Variants in DENND1A observed in about 807,000 individuals in gnomAD.
The protein encoded by DENND1A is DENN domain containing 1A.
Under a neutral mutation model 113.7 loss-of-function variants are expected in DENND1A, and 51 were observed. The ratio of observed to expected loss-of-function variants is 0.45; its 90% CI spans 0.36 to 0.57. The LOEUF is 0.57. Ranked by LOEUF, DENND1A falls within the 20% of genes least tolerant of loss-of-function variation. DENND1A has a pLI of 0.00. For synonymous variants in DENND1A, 565 were observed against 570.8 expected, an observed-to-expected ratio of 0.99 and a Z score of 0.14; for missense variants, 1,258 against 1,395.9, an observed-to-expected ratio of 0.90 and a Z score of 1.57.
At chr9:123,400,166 CCCCCA>C in intron 21 of DENND1A, 1 of 152,330 alleles carries the variant, frequency 6.6e-6, no homozygotes, top group East Asian at 1.9e-4. Context: ...GGGAATGTTT[CCCCCA>C]CAAATCTTCA....
At chr9:123,779,825 G>A (rs1164203927) in intron 3 of DENND1A, among the ~76,000 whole-genome samples, 3 of 145,326 alleles carry the variant, frequency 2.1e-5, no homozygotes, top group Middle Eastern at 3.7e-3. Context: ...CAGGGTGGCA[G>A]GGGCCAGATC....
intron 10 of DENND1A, among the ~76,000 whole-genome samples, chr9:123,612,511 T>C (rs1486460629): frequency 2.0e-5 from 3 of 152,228 alleles, no homozygotes; most frequent in African/African-American, 7.2e-5. Context: ...TTTATATCTT[T>C]GAAATTATAA....
At chr9:123,626,642 C>G (rs2138450341) in intron 10 of DENND1A, among the ~76,000 whole-genome samples, 1 of 152,212 alleles carries the variant, frequency 6.6e-6, no homozygotes, top group East Asian at 1.9e-4. Flanking sequence ...ACAACAAACA[C>G]TACTGGATAG....
At chr9:123,532,616 T>C (rs1444602939) in intron 13 of DENND1A, among the ~76,000 whole-genome samples, 1 of 152,200 alleles carries the variant, frequency 6.6e-6, no homozygotes, top group Non-Finnish European at 1.5e-5. Context: ...CTCTATGTCT[T>C]TTATCATAGC....
At chr9:123,636,376 G>A (rs1256951735) in intron 9 of DENND1A, among the ~76,000 whole-genome samples, 5 of 151,934 alleles carry the variant, frequency 3.3e-5, no homozygotes, top group Non-Finnish European at 5.9e-5. Flanking sequence ...GAGTGCAGTG[G>A]TGGGACCTCG....
chr9:123,619,764 A>G (rs1056089259), intron 10 of DENND1A, among the ~76,000 whole-genome samples: 2 of 152,168 alleles, frequency 1.3e-5, no homozygotes, highest in Non-Finnish European at 2.9e-5. Flanking sequence ...TATGTGGATT[A>G]AATTTCAACT....
intron 5 of DENND1A, among the ~76,000 whole-genome samples, chr9:123,750,648 G>A (rs897345643): frequency 6.6e-6 from 1 of 152,146 alleles, no homozygotes; most frequent in Non-Finnish European, 1.5e-5. Context: ...TTAAGGAGAA[G>A]AATTAAAAAG....
At chr9:123,670,169 T>C (rs1928482) in intron 7 of DENND1A, among the ~76,000 whole-genome samples, 74,678 of 152,070 alleles carry the variant, frequency 0.49, 20,798 homozygotes, top group African/African-American at 0.77. Flanking sequence ...TATCATCATT[T>C]TGAAAAAACC....
intron 2 of DENND1A, among the ~76,000 whole-genome samples, chr9:123,802,704 C>A (rs201531441): frequency 6.6e-6 from 1 of 151,214 alleles, no homozygotes; most frequent in Non-Finnish European, 1.5e-5. Flanking sequence ...TTCACTACTG[C>A]CTTTTTTTTT....
At chr9:123,678,855 G>C (rs970474540) in intron 5 of DENND1A, among the ~76,000 whole-genome samples, 14 of 152,234 alleles carry the variant, frequency 9.2e-5, no homozygotes, top group African/African-American at 3.4e-4. Context: ...TACTTTGGCA[G>C]AGTAATGTAA....
intron 9 of DENND1A, among the ~76,000 whole-genome samples, chr9:123,634,441 T>G (rs1161239034): frequency 6.6e-6 from 1 of 152,190 alleles, no homozygotes; most frequent in Non-Finnish European, 1.5e-5. Flanking sequence ...TTACTATATA[T>G]CTATACTCAA....
At chr9:123,525,400 A>T (rs1172594248) in intron 13 of DENND1A, among the ~76,000 whole-genome samples, 1 of 152,206 alleles carries the variant, frequency 6.6e-6, no homozygotes, top group Non-Finnish European at 1.5e-5. Context: ...TTTCGAGGGC[A>T]TCTCTGAAAA....
rs1452337930 is a variant in DENND1A, at chr9:123,888,949, CTTTAAACTGTGT to C, written c.18-9940_18-9929del. The stretch of plus-strand genomic sequence containing the variant: ...GATGATGCATCAGGTCAATACCGTG[CTTTAAACTGTGT>C]GTGTGTGTGTGTGTGTGTGTGTGTG... On this transcript the variant is annotated intron_variant, in intron 1 of 23. Transcript: ENST00000394215. Among the ~76,000 whole-genome samples the C allele has an allele frequency of 2.3e-5, 3 of 132,030 alleles. No homozygotes were observed. In the East Asian group the frequency reaches 6.3e-4, roughly 28 times the overall value. The allele number at this position is 132,030 out of a possible 152,430, so 86.6% of individuals were successfully genotyped here. A position where few individuals can be genotyped will look rare whatever the true frequency, so the allele number is the denominator to read the frequency against.
intron 2 of DENND1A, among the ~76,000 whole-genome samples, chr9:123,853,825 T>C (rs1212897000): frequency 6.6e-6 from 1 of 152,196 alleles, no homozygotes. Context: ...TAGAGACATC[T>C]TTCTATCTTG....
chr9:123,864,151 T>C (rs1196390947), intron 2 of DENND1A, among the ~76,000 whole-genome samples: 2 of 152,204 alleles, frequency 1.3e-5, no homozygotes, highest in Non-Finnish European at 2.9e-5. Flanking sequence ...CCAGGCACTG[T>C]TAATTATTTT....
chr9:123,786,624 T>C (rs558651469), intron 3 of DENND1A, among the ~76,000 whole-genome samples: 1 of 152,308 alleles, frequency 6.6e-6, no homozygotes, highest in South Asian at 2.1e-4. Flanking sequence ...CCTAGTCTCC[T>C]AGACTGTTTC....
At chr9:123,652,661 G>A (rs1432344390) in intron 8 of DENND1A, among the ~76,000 whole-genome samples, 2 of 152,130 alleles carry the variant, frequency 1.3e-5, no homozygotes, top group South Asian at 2.1e-4. Context: ...CTCCTCTCCC[G>A]TCATCACTGC....
chr9:123,808,136 G>T (rs1275930196), intron 2 of DENND1A, among the ~76,000 whole-genome samples: 1 of 152,062 alleles, frequency 6.6e-6, no homozygotes, highest in Non-Finnish European at 1.5e-5. Context: ...TGAGGCAGGA[G>T]AATTGCTTGA....
In DENND1A at chr9:123,878,948, T is replaced by C. The variant is rs1467546516; in HGVS notation, c.88+3A>G. 1.2e-6 allele frequency: 2 copies of C among 1,613,858 alleles called. No individual in the cohort carries two copies. The highest frequency in any genetic ancestry group is 2.7e-5 in the African/African-American group (2 of 75,056). On this transcript the variant is annotated splice_donor_region_variant and intron_variant, in intron 2 of 23. Coordinates refer to ENST00000394215, the MANE Select transcript of DENND1A (RefSeq NM_001352964.2). ...CCATATCATAATCAAACATGCAAAG[T>C]ACCTGAAAGAGTGCCACCTGTCCTG...
Sources: allele counts gnomAD v4.1 joint callset (sites outside exome capture counted in the v4.1 genomes callset), GRCh38; gene constraint gnomAD v4.1.1; transcripts MANE v1.5; gene names NCBI Gene and HGNC (gene_info 2026-07-23, HGNC 2026-07-21).